DENND5B: variants seen among roughly 807,000 people sequenced by gnomAD.
DENND5B encodes DENN domain-containing protein 5B.
A neutral mutation model predicts 140.6 loss-of-function variants in DENND5B; 34 were observed. That is an observed-to-expected ratio of 0.24 (90% CI 0.18 to 0.32). The LOEUF (loss-of-function observed/expected upper bound fraction) is 0.32. DENND5B is among the 10% of genes least tolerant of loss of function. The pLI, the probability that DENND5B is intolerant of heterozygous loss-of-function variation, is 1.00. For missense variants in DENND5B, 1,142 were observed against 1,560.2 expected (o/e 0.73, Z 4.52); for synonymous variants, 551 against 562.1 (o/e 0.98, Z 0.28).
At position 31,383,744 on chromosome 12, in the gene DENND5B, A is replaced by C. The variant is rs926778911; in HGVS notation, c.*3859T>G. Reference sequence around the variant, plus strand: ...TCATTTTTAAGGCATATGACTCCCGACCAGGGCACAGATCTCACACATGCT... The same window carrying C: ...TCATTTTTAAGGCATATGACTCCCGCCCAGGGCACAGATCTCACACATGCT... On this transcript the variant is annotated 3_prime_UTR_variant, in exon 21 of 21. Coordinates refer to ENST00000389082, the MANE Select transcript of DENND5B (RefSeq NM_144973.4). 1 of 152,152 alleles carries C rather than the reference A, an allele frequency of 6.6e-6. No individual in the cohort carries two copies. Among genetic ancestry groups the C allele is most frequent in the African/African-American group, 2.4e-5 (1 of 41,434 alleles). The allele number at this position is 152,152 out of a possible 1,614,324, so 9.4% of individuals were successfully genotyped here. A position where few individuals can be genotyped will look rare whatever the true frequency, so the allele number is the denominator to read the frequency against.
intron 3 of DENND5B, among the ~76,000 whole-genome samples, chr12:31,469,525 G>A (rs1189702129): frequency 6.6e-6 from 1 of 152,096 alleles, no homozygotes; most frequent in African/African-American, 2.4e-5. Context: ...TTAGCAATAA[G>A]TAAAGTGCTT....
intron 1 of DENND5B, among the ~76,000 whole-genome samples, chr12:31,580,639 C>T (rs940194642): frequency 6.6e-6 from 1 of 152,214 alleles, no homozygotes; most frequent in Non-Finnish European, 1.5e-5. Context: ...GGATTACAGG[C>T]AAACACCACC....
At chr12:31,453,487 C>G (rs913928644) in intron 4 of DENND5B, among the ~76,000 whole-genome samples, 1 of 152,204 alleles carries the variant, frequency 6.6e-6, no homozygotes, top group Non-Finnish European at 1.5e-5. Context: ...TGTCCATACT[C>G]TCTTAATCAG....
intron 2 of DENND5B, among the ~76,000 whole-genome samples, chr12:31,489,483 A>C (rs544536384): frequency 1.3e-5 from 2 of 152,354 alleles, no homozygotes; most frequent in African/African-American, 4.8e-5. Context: ...TCGAGATATC[A>C]TAAGAAAAGA....
In DENND5B at chr12:31,387,588, T is replaced by G. The variant is rs1012682886; in HGVS notation, c.*15A>C. ...AAGGAGCAAGGTTTGGACTGAGAGTTTCTAGCCAGTTGGGTTACACATCCA... is the reference window on the plus strand; with the variant it reads ...AAGGAGCAAGGTTTGGACTGAGAGTGTCTAGCCAGTTGGGTTACACATCCA... On this transcript the variant is annotated 3_prime_UTR_variant, in exon 21 of 21. Transcript: ENST00000389082. The G allele has an allele frequency of 2.5e-6, 4 of 1,609,356 alleles. No individual in the cohort carries two copies. In the African/African-American group the frequency reaches 5.3e-5, roughly 21 times the overall value.
intron 3 of DENND5B, among the ~76,000 whole-genome samples, chr12:31,474,703 A>G (rs1168529302): frequency 1.3e-5 from 2 of 152,230 alleles, no homozygotes; most frequent in Non-Finnish European, 2.9e-5. Flanking sequence ...GAAATGAAGT[A>G]TCACATGTTA....
At chr12:31,554,041 T>C (rs1157431876) in intron 1 of DENND5B, among the ~76,000 whole-genome samples, 4 of 152,216 alleles carry the variant, frequency 2.6e-5, no homozygotes, top group Non-Finnish European at 4.4e-5. Flanking sequence ...TGTCTTTTAA[T>C]TGGAGCATTT....
At chr12:31,524,809 G>A (rs1437867913) in intron 1 of DENND5B, among the ~76,000 whole-genome samples, 1 of 152,106 alleles carries the variant, frequency 6.6e-6, no homozygotes, top group African/African-American at 2.4e-5. Flanking sequence ...GTTTTCTATA[G>A]TCCTCTCTTA....
At chr12:31,433,419 T>C (rs1943605359) in intron 7 of DENND5B, among the ~76,000 whole-genome samples, 171 bp from the exon 8 acceptor site, 1 of 152,178 alleles carries the variant, frequency 6.6e-6, no homozygotes, top group Non-Finnish European at 1.5e-5. Context: ...ATTTAAAACA[T>C]ACAACCAAAC....
At chr12:31,423,452 A>T in intron 11 of DENND5B, 145 bp downstream of exon 11, 1 of 749,774 alleles carries the variant, frequency 1.3e-6, no homozygotes, top group Non-Finnish European at 2.1e-6. Flanking sequence ...ACAGTTAGTA[A>T]GTAATATTGC....
intron 1 of DENND5B, chr12:31,500,252 G>A: frequency 4.8e-6 from 2 of 412,512 alleles, no homozygotes; most frequent in Middle Eastern, 8.0e-4. Context: ...AAATTAAAGA[G>A]CATCCCTAAT....
chr12:31,487,303 A>G (rs1346482281), intron 2 of DENND5B, among the ~76,000 whole-genome samples: 3 of 152,208 alleles, frequency 2.0e-5, no homozygotes, highest in Non-Finnish European at 2.9e-5. Context: ...GAATAACTGT[A>G]TAAGGAAAGG....
intron 6 of DENND5B, among the ~76,000 whole-genome samples, chr12:31,445,592 C>CT: frequency 6.6e-6 from 1 of 152,040 alleles, no homozygotes; most frequent in East Asian, 1.9e-4. Context: ...GTAGTCCCAG[C>CT]TACTTGGGAG....
chr12:31,410,143 A>C (rs1188479351), intron 13 of DENND5B, among the ~76,000 whole-genome samples: 1 of 152,196 alleles, frequency 6.6e-6, no homozygotes, highest in Non-Finnish European at 1.5e-5. Context: ...GTTGACAAGG[A>C]AGAAATGAAT....
chr12:31,575,558 GT>G (rs1949981287), intron 1 of DENND5B, among the ~76,000 whole-genome samples: 1 of 152,152 alleles, frequency 6.6e-6, no homozygotes, highest in Non-Finnish European at 1.5e-5. Flanking sequence ...CTAGCAGATT[GT>G]CCCTGTTTTC....
At chr12:31,505,272 T>G (rs1440014005) in intron 1 of DENND5B, among the ~76,000 whole-genome samples, 2 of 147,760 alleles carry the variant, frequency 1.4e-5, no homozygotes, top group Admixed American at 1.4e-4. Flanking sequence ...AGAGTCTTAC[T>G]CTGTCACCCA....
chr12:31,588,105 T>C (rs1950461174), intron 1 of DENND5B, among the ~76,000 whole-genome samples: 1 of 152,200 alleles, frequency 6.6e-6, no homozygotes, highest in South Asian at 2.1e-4. Flanking sequence ...GCTCCAGCCA[T>C]ACTGGACTCC....
chr12:31,424,055 T>C (rs911077395), intron 10 of DENND5B, among the ~76,000 whole-genome samples: 2 of 151,812 alleles, frequency 1.3e-5, no homozygotes, highest in Admixed American at 1.3e-4. Context: ...ACATGTAAAA[T>C]ATGTTTGGAT....
At chr12:31,400,879 G>A (rs1167285628) in intron 15 of DENND5B, among the ~76,000 whole-genome samples, 2 of 138,804 alleles carry the variant, frequency 1.4e-5, no homozygotes, top group Non-Finnish European at 3.0e-5. Flanking sequence ...TTTCGCTCTC[G>A]TTGCCCAGGC....
Sources: allele counts gnomAD v4.1 joint callset (sites outside exome capture counted in the v4.1 genomes callset), GRCh38; gene constraint gnomAD v4.1.1; transcripts MANE v1.5; gene names NCBI Gene and HGNC (gene_info 2026-07-23, HGNC 2026-07-21).